POLI: variants seen among roughly 807,000 people sequenced by gnomAD.
POLI encodes DNA polymerase iota.
POLI carries 58 observed loss-of-function variants against 51.6 expected under a neutral mutation model. The ratio of observed to expected loss-of-function variants is 1.12; its 90% CI spans 0.91 to 1.40. The LOEUF (loss-of-function observed/expected upper bound fraction) is 1.40. Ranked by LOEUF, POLI falls within the 40% of genes most tolerant of loss-of-function variation. The pLI, the probability that POLI is intolerant of heterozygous loss-of-function variation, is 0.00. For synonymous variants in POLI, 322 were observed against 299.7 expected (o/e 1.07, Z -0.77); for missense variants, 921 against 871.3 (o/e 1.06, Z -0.72).
At chr18:54,315,167 AT>A (rs2088717690) in intron 3 of POLI, among the ~76,000 whole-genome samples, 1 of 152,070 alleles carries the variant, frequency 6.6e-6, no homozygotes, top group African/African-American at 2.4e-5. Context: ...CTATGTCTCT[AT>A]TTTATTAATT....
intron 7 of POLI, among the ~76,000 whole-genome samples, chr18:54,286,399 A>G (rs923607312): frequency 2.6e-5 from 4 of 152,144 alleles, no homozygotes; most frequent in Non-Finnish European, 5.9e-5. Flanking sequence ...TAAAAAATGC[A>G]TGTACTCATA....
intron 3 of POLI, among the ~76,000 whole-genome samples, chr18:54,275,382 C>T (rs1193289712): frequency 1.3e-5 from 2 of 152,162 alleles, no homozygotes; most frequent in African/African-American, 4.8e-5. Flanking sequence ...CAATGTTTAT[C>T]ATAGCATGGT....
intron 3 of POLI, among the ~76,000 whole-genome samples, chr18:54,304,552 A>G (rs2088548192): frequency 6.6e-6 from 1 of 152,186 alleles, no homozygotes; most frequent in Non-Finnish European, 1.5e-5. Flanking sequence ...GACTGCATAA[A>G]TGTCTTCTTT....
At chr18:54,320,567 CTTTTTGCT>C (rs1278452535) in intron 4 of POLI, among the ~76,000 whole-genome samples, 5 of 152,178 alleles carry the variant, frequency 3.3e-5, no homozygotes, top group African/African-American at 1.2e-4. Context: ...TAAAAGTAGG[CTTTTTGCT>C]GGGGCTAAAT....
At chr18:54,289,116 T>A (rs1380322574) in intron 8 of POLI, among the ~76,000 whole-genome samples, 1 of 152,162 alleles carries the variant, frequency 6.6e-6, no homozygotes, top group East Asian at 1.9e-4. Flanking sequence ...TTCCTGTACT[T>A]CTTTTTAGGT....
At position 54,274,103 on chromosome 18, in the gene POLI, A is replaced by G; in HGVS notation, c.406+13A>G. ...TATAAGGTTACAGGTACAAATGATA[A>G]GCAATGTACTTTTAGCATTAATTTT... On this transcript the variant is annotated intron_variant, in intron 3 of 9. Coordinates refer to ENST00000579534, the MANE Select transcript of POLI (RefSeq NM_007195.3). The G allele has an allele frequency of 7.5e-7, 1 of 1,336,412 alleles. No homozygotes were observed. The highest frequency in any genetic ancestry group is 9.8e-7 in the Non-Finnish European group (1 of 1,023,914). 82.8% of individuals were successfully genotyped at this position (1,336,412 alleles called of 1,614,324 possible).
chr18:54,280,121 T>G (rs2087431425), intron 4 of POLI, among the ~76,000 whole-genome samples: 1 of 152,240 alleles, frequency 6.6e-6, no homozygotes, highest in Non-Finnish European at 1.5e-5. Context: ...AGGGTGGCAG[T>G]GATCTCTTAG....
At chr18:54,315,921 AT>A (rs1266399426) in intron 3 of POLI, among the ~76,000 whole-genome samples, 1,527 of 142,920 alleles carry the variant, frequency 0.011, 17 homozygotes, top group African/African-American at 0.031. Flanking sequence ...CATTTTATGC[AT>A]TTTTTTTTTT....
chr18:54,281,028 G>GTC (rs1320879269), intron 5 of POLI, 125 bp downstream of exon 5: 2 of 565,556 alleles, frequency 3.5e-6, no homozygotes, highest in Non-Finnish European at 6.1e-6. Context: ...GCATGTGTGT[G>GTC]TGTGTGTATA....
At position 54,303,572 on chromosome 18, in the gene POLI, C is replaced by T. The variant is rs1287890186; in HGVS notation, c.333+16161C>T. Among the ~76,000 whole-genome samples the T allele has an allele frequency of 2.0e-5, 3 of 152,010 alleles. No individual in the cohort carries two copies. The East Asian group carries it at 5.8e-4, about 29-fold the overall frequency. ...TGGAGTGTGTGTTCATGTTTGCTAG[C>T]CTTTATTTGTGGAACTCCTGCAAGG... On this transcript the variant is annotated intron_variant, in intron 3 of 4. Transcript: ENST00000579823.
rs1180940001 is a variant in POLI at position 54,314,787 on chromosome 18, A to G, written c.334-5486A>G. On this transcript the variant is annotated intron_variant, in intron 3 of 4. Transcript: ENST00000579823. ...GTAATGGTCACTGGGTATCTTCTGT[A>G]TTTCTGTGGGATCAGTTGTAATGTC... 2.7e-5 allele frequency among the ~76,000 whole-genome samples: 4 copies of G among 149,636 alleles called. No homozygotes were observed. The East Asian group carries it at 7.8e-4, about 29-fold the overall frequency.
At chr18:54,303,934 C>G (rs1345288856) in intron 3 of POLI, among the ~76,000 whole-genome samples, 1 of 151,778 alleles carries the variant, frequency 6.6e-6, no homozygotes, top group Non-Finnish European at 1.5e-5. Context: ...CACAATGGCC[C>G]TGGTGTGTGA....
intron 3 of POLI, among the ~76,000 whole-genome samples, chr18:54,314,256 A>G (rs189233941): frequency 1.3e-5 from 2 of 152,004 alleles, no homozygotes; most frequent in Admixed American, 1.3e-4. Flanking sequence ...TTGGTTCAAC[A>G]TAATAATTTA....
intron 3 of POLI, among the ~76,000 whole-genome samples, chr18:54,312,497 G>A (rs1354326401): frequency 1.3e-5 from 2 of 152,104 alleles, no homozygotes; most frequent in East Asian, 1.9e-4. Context: ...GGATTCCTGG[G>A]TTGAATGATT....
intron 3 of POLI, among the ~76,000 whole-genome samples, chr18:54,310,022 TCCCCGG>T (rs1417162692): frequency 6.6e-6 from 1 of 152,166 alleles, no homozygotes; most frequent in Non-Finnish European, 1.5e-5. Context: ...AAAGGGAAAT[TCCCCGG>T]CCCCTTGTGC....
intron 7 of POLI, chr18:54,284,589 T>C (rs2087663096): frequency 6.6e-6 from 1 of 152,194 alleles, no homozygotes; most frequent in African/African-American, 2.4e-5. Context: ...AATTTGTGAT[T>C]GTTGAGGATA....
intron 5 of POLI, among the ~76,000 whole-genome samples, chr18:54,282,524 CTTGTATA>C (rs1229050558): frequency 1.3e-5 from 2 of 152,064 alleles, no homozygotes; most frequent in Admixed American, 6.6e-5. Flanking sequence ...ATTCACATAA[CTTGTATA>C]TTGTATATTG....
chr18:54,288,625 T>C (rs181751078), intron 8 of POLI, among the ~76,000 whole-genome samples: 4 of 152,204 alleles, frequency 2.6e-5, no homozygotes, highest in African/African-American at 9.6e-5. Context: ...GCTCTGTTTA[T>C]TTTTCTGTAG....
chr18:54,305,325 G>A (rs2088563789), intron 3 of POLI, among the ~76,000 whole-genome samples: 1 of 152,072 alleles, frequency 6.6e-6, no homozygotes, highest in African/African-American at 2.4e-5. Flanking sequence ...TGATGGGGAT[G>A]GCATTGAATC....
Sources: allele counts gnomAD v4.1 joint callset (sites outside exome capture counted in the v4.1 genomes callset), GRCh38; gene constraint gnomAD v4.1.1; transcripts MANE v1.5; gene names NCBI Gene and HGNC (gene_info 2026-07-23, HGNC 2026-07-21).